Variants in SEPTIN9 observed in about 807,000 individuals in gnomAD.
SEPTIN9 encodes the protein septin 9, also known as septin-9.
Under a neutral mutation model 56.6 loss-of-function variants are expected in SEPTIN9, and 13 were observed. The observed-to-expected ratio is 0.23, with a 90% CI of 0.15 to 0.37. The LOEUF (loss-of-function observed/expected upper bound fraction) is 0.37. Among genes scored for constraint, SEPTIN9 ranks in the 10% least tolerant of loss-of-function variants. The pLI is 1.00. For synonymous variants in SEPTIN9, 332 were observed against 334.1 expected, an observed-to-expected ratio of 0.99 and a Z score of 0.07; for missense variants, 650 against 823.1, an observed-to-expected ratio of 0.79 and a Z score of 2.57.
At chr17:77,424,833 G>A (rs1002496707) in intron 3 of SEPTIN9, among the ~76,000 whole-genome samples, 1 of 152,118 alleles carries the variant, frequency 6.6e-6, no homozygotes, top group Non-Finnish European at 1.5e-5. Context: ...GGCGGTCGCC[G>A]GGCCCCCAAG....
At chr17:77,497,176 G>A (rs2040304035) in intron 10 of SEPTIN9, 139 bp from the exon 11 acceptor site, 3 of 818,738 alleles carry the variant, frequency 3.7e-6, no homozygotes, top group African/African-American at 1.7e-5. Flanking sequence ...AGAGCAGGTG[G>A]TTCCCCTGCC....
In SEPTIN9 at chr17:77,306,530, G is replaced by A. The variant is rs143029999; in HGVS notation, c.20-611G>A. ...TGTGTGGGCAGAGGGAGCGCATGCCGCGGGAGGCTGCATTAATCTGAGGTT... is the reference window on the plus strand; with the variant it reads ...TGTGTGGGCAGAGGGAGCGCATGCCACGGGAGGCTGCATTAATCTGAGGTT... On this transcript the variant is annotated intron_variant, in intron 1 of 11. Coordinates refer to ENST00000427177, the MANE Select transcript of SEPTIN9 (RefSeq NM_001113491.2). Among the ~76,000 whole-genome samples, 814 of 152,368 alleles carry A rather than the reference G, an allele frequency of 5.3e-3. 7 individuals are homozygous for A. The highest frequency in any genetic ancestry group is 0.019 in the African/African-American group (782 of 41,584).
intron 3 of SEPTIN9, among the ~76,000 whole-genome samples, chr17:77,457,391 G>A (rs1033172962): frequency 6.6e-6 from 1 of 152,186 alleles, no homozygotes; most frequent in African/African-American, 2.4e-5. Context: ...TCCCCTAGAG[G>A]CGCCCCATGT....
intron 2 of SEPTIN9, among the ~76,000 whole-genome samples, chr17:77,390,083 G>A (rs959464280): frequency 7.9e-5 from 12 of 152,100 alleles, no homozygotes; most frequent in Non-Finnish European, 1.5e-4. Context: ...TTGGAGGCTG[G>A]GCTGCCTTTC....
At chr17:77,304,420 C>G (rs1460649294) in intron 1 of SEPTIN9, among the ~76,000 whole-genome samples, 1 of 152,228 alleles carries the variant, frequency 6.6e-6, no homozygotes, top group East Asian at 1.9e-4. Flanking sequence ...CGTTTCTCCA[C>G]CCCCATGCTG....
intron 11 of SEPTIN9, among the ~76,000 whole-genome samples, 157 bp from the exon 12 acceptor site, chr17:77,498,366 G>GT (rs1448370244): frequency 1.3e-5 from 2 of 151,772 alleles, no homozygotes; most frequent in African/African-American, 4.8e-5. Context: ...AACATGGTGG[G>GT]CCTGGGGGAC....
intron 1 of SEPTIN9, among the ~76,000 whole-genome samples, chr17:77,301,548 C>T (rs996609718): frequency 1.3e-5 from 2 of 152,056 alleles, no homozygotes; most frequent in Admixed American, 6.6e-5. Flanking sequence ...CCTCAGCTTC[C>T]TGAGTAGCTG....
chr17:77,350,694 G>C (rs1413763563), intron 2 of SEPTIN9, among the ~76,000 whole-genome samples: 10 of 149,168 alleles, frequency 6.7e-5, no homozygotes, highest in Admixed American at 6.7e-4. Flanking sequence ...AAGTGCAAAG[G>C]TTGGGATTGG....
chr17:77,343,037 C>CTA lies in SEPTIN9; in HGVS notation c.76+35842_76+35843dup, dbSNP rs1555649339. ...TCTATCTATCTATCTATCTATCTAT[C>CTA]TATCTAGTCTCTGTCCCCCAACTTT... is the stretch of plus-strand genomic sequence containing the variant. On this transcript the variant is annotated intron_variant, in intron 2 of 11. Transcript: ENST00000427177. Among the ~76,000 whole-genome samples, 521 of 141,538 alleles carry CTA rather than the reference C, an allele frequency of 3.7e-3. 2 individuals carry two copies. Among genetic ancestry groups the CTA allele is most frequent in the African/African-American group, 0.014 (487 of 35,570 alleles). The allele number at this position is 141,538 out of a possible 152,430, so 92.9% of individuals were successfully genotyped here. A position where few individuals can be genotyped will look rare whatever the true frequency, so the allele number is the denominator to read the frequency against.
chr17:77,464,829 G>A (rs1314582814), intron 3 of SEPTIN9, among the ~76,000 whole-genome samples: 6 of 151,438 alleles, frequency 4.0e-5, no homozygotes, highest in Non-Finnish European at 8.8e-5. Flanking sequence ...TCCTGACCTC[G>A]TGATCCACCC....
rs534727956 is a variant in SEPTIN9 at position 77,296,427 on chromosome 17, CTAGA to C, written c.20-10709_20-10706del. On this transcript the variant is annotated intron_variant, in intron 1 of 11. Transcript: ENST00000427177. ...CACAGACAGACAGGCAGACAAATGGCTAGATAGACAAGCAGACAGAGAGATAGAG... is the reference window on the plus strand; with the variant it reads ...CACAGACAGACAGGCAGACAAATGGCTAGACAAGCAGACAGAGAGATAGAG... 4.9e-3 allele frequency among the ~76,000 whole-genome samples: 743 copies of C among 151,386 alleles called. 6 individuals are homozygous for C. The highest frequency in any genetic ancestry group is 0.017 in the African/African-American group (695 of 41,218).
In SEPTIN9 at chr17:77,499,204, GT is replaced by G. The variant is rs1568128785; in HGVS notation, c.*547del. 1 of 557,726 alleles carries G rather than the reference GT, an allele frequency of 1.8e-6. No individual in the cohort carries two copies. The highest frequency in any genetic ancestry group is 1.8e-5 in the African/African-American group (1 of 54,618). The allele number at this position is 557,726 out of a possible 1,614,324, so 34.5% of individuals were successfully genotyped here. On this transcript the variant is annotated 3_prime_UTR_variant, in exon 12 of 12. Transcript: ENST00000427177. ...CCCTACCCCTGCCCTGCTCCTAAGG[GT>G]AGAAAACTCCAGGGTCCCCTGCCAC...
chr17:77,423,699 G>A (rs144407355), intron 3 of SEPTIN9, among the ~76,000 whole-genome samples: 6 of 152,356 alleles, frequency 3.9e-5, no homozygotes, highest in African/African-American at 7.2e-5. Context: ...CCCCCGTCGC[G>A]TTCCTGCTGC....
In SEPTIN9 at chr17:77,488,759, A is replaced by G; in HGVS notation, c.1157A>G (p.Gln386Arg). Reference sequence around the variant, plus strand: ...CCCATCATGAAGTTCATCAATGACCAGTACGAGAAATACCTGCAGGAGGAG... The same window carrying G: ...CCCATCATGAAGTTCATCAATGACCGGTACGAGAAATACCTGCAGGAGGAG... ...WQPIMKFIND[Q>R]YEKYLQEEVN... is the part of the protein sequence containing the mutation. Residue 386 changes from glutamine (Q) to arginine (R), a missense_variant, in exon 7 of 12, where the codon CAG becomes CGG. Gln to Arg is a conservative substitution (Grantham distance 43, BLOSUM62 1). Around this residue, in one of 2 missense-constraint regions of SEPTIN9, gnomAD observed 333 missense variants for 494.0 expected, o/e 0.67. Coordinates refer to ENST00000427177, the MANE Select transcript of SEPTIN9 (RefSeq NM_001113491.2). 2 of 1,613,928 alleles carry G rather than the reference A, an allele frequency of 1.2e-6. No homozygotes were observed. The highest frequency in any genetic ancestry group is 1.7e-6 in the Non-Finnish European group (2 of 1,179,976).
At chr17:77,379,966 A>G (rs2035078326) in intron 2 of SEPTIN9, among the ~76,000 whole-genome samples, 1 of 152,010 alleles carries the variant, frequency 6.6e-6, no homozygotes, top group Admixed American at 6.5e-5. Context: ...TATGAGACCA[A>G]AGGGTCCGGA....
chr17:77,489,393 A>G (rs453268), intron 7 of SEPTIN9, among the ~76,000 whole-genome samples: 82,837 of 151,602 alleles, frequency 0.55, 23,724 homozygotes, highest in African/African-American at 0.73. Context: ...GCCCCTAGAG[A>G]TCAGCAAGGG....
At chr17:77,493,229 A>C in intron 10 of SEPTIN9, 153 bp downstream of exon 10, 1 of 652,968 alleles carries the variant, frequency 1.5e-6, no homozygotes, top group Non-Finnish European at 2.7e-6. Context: ...GTCCCCATTC[A>C]ACCCTTGGGA....
chr17:77,470,207 C>T (rs2038927059), intron 3 of SEPTIN9, among the ~76,000 whole-genome samples: 1 of 150,428 alleles, frequency 6.6e-6, no homozygotes, highest in Admixed American at 6.6e-5. Context: ...ACTCATCATC[C>T]GTCCACTCAC....
rs1402732789 is a variant in SEPTIN9, at chr17:77,475,476, G to T, written c.722-6668G>T. 1 of 1,586,576 alleles carries T rather than the reference G, an allele frequency of 6.3e-7. No individual in the cohort carries two copies. Among genetic ancestry groups the T allele is most frequent in the Non-Finnish European group, 8.6e-7 (1 of 1,167,640 alleles). ...CAGCTTTAAGAAGCCCCTTTGTGGG[G>T]GACAGGGAGCATCTGTTAGTTTATA... On this transcript the variant is annotated intron_variant, in intron 3 of 11. Transcript: ENST00000427177. This position sits in a 1 kb window ranked among gnomAD's most constrained non-coding sequence, Gnocchi z 4.6.
Sources: allele counts gnomAD v4.1 joint callset (sites outside exome capture counted in the v4.1 genomes callset), GRCh38; gene constraint gnomAD v4.1.1; regional missense constraint gnomAD v4.1.1; non-coding constraint Gnocchi (gnomAD v3.1); transcripts MANE v1.5; gene names NCBI Gene and HGNC (gene_info 2026-07-23, HGNC 2026-07-21).